CDH13: variants seen among roughly 807,000 people sequenced by gnomAD.
The protein encoded by CDH13 is cadherin-13.
CDH13 carries 24 observed loss-of-function variants against 63.8 expected under a neutral mutation model. That is an observed-to-expected ratio of 0.38 (90% CI 0.27 to 0.53). CDH13 has a LOEUF of 0.53. CDH13 is among the 20% of genes least tolerant of loss of function. The pLI, the probability that CDH13 is intolerant of heterozygous loss-of-function variation, is 0.85. For missense variants in CDH13, 1,049 were observed against 903.1 expected (o/e 1.16, Z -2.07); for synonymous variants, 503 against 355.3 (o/e 1.42, Z -4.67).
intron 6 of CDH13, among the ~76,000 whole-genome samples, chr16:83,395,185 G>C (rs1478237673): frequency 6.6e-6 from 1 of 150,422 alleles, no homozygotes; most frequent in Non-Finnish European, 1.5e-5. Context: ...GTGGTGGCAT[G>C]TGCCTGTAAT....
intron 4 of CDH13, among the ~76,000 whole-genome samples, chr16:83,175,821 CT>C (rs762355886): frequency 0.012 from 1,104 of 90,018 alleles, 8 homozygotes; most frequent in African/African-American, 0.048. Flanking sequence ...TTTCAACCTG[CT>C]TTTTTTTTTT....
chr16:83,206,323 C>T (rs141031324), intron 4 of CDH13, among the ~76,000 whole-genome samples: 158 of 152,348 alleles, frequency 1.0e-3, no homozygotes, highest in African/African-American at 3.8e-3. Context: ...TCTTCATCTT[C>T]ATCTCATGAA....
At chr16:83,303,435 G>A (rs1042357216) in intron 5 of CDH13, among the ~76,000 whole-genome samples, 17 of 152,174 alleles carry the variant, frequency 1.1e-4, no homozygotes, top group Admixed American at 7.2e-4. Flanking sequence ...GAATGAATAA[G>A]CCCAGTGCTG....
chr16:82,759,672 A>G (rs1488534688), intron 1 of CDH13, among the ~76,000 whole-genome samples: 1 of 152,140 alleles, frequency 6.6e-6, no homozygotes, highest in East Asian at 1.9e-4. Flanking sequence ...TGCCTTAACA[A>G]GAAGCGGCAA....
intron 1 of CDH13, among the ~76,000 whole-genome samples, chr16:82,761,017 C>CTTTTTTTTTTTTTT (rs35038319): frequency 0.013 from 521 of 40,470 alleles, 130 homozygotes; most frequent in African/African-American, 0.015. Context: ...TTCTTTCTTT[C>CTTTTTTTTTTTTTT]TTTTTTTTTT....
Position 83,780,044 on chromosome 16 carries a change from CCCCA to C in CDH13, c.1760_1763del (p.Pro587GlnfsTer2). 6.2e-7 allele frequency: 1 copy of C among 1,613,932 alleles called. No homozygotes were observed. The highest frequency in any genetic ancestry group is 1.3e-5 in the African/African-American group (1 of 75,022). On this transcript the variant is annotated frameshift_variant, in exon 12 of 14. Coordinates refer to ENST00000567109, the MANE Select transcript of CDH13 (RefSeq NM_001257.5). LOFTEE classifies it high-confidence loss of function. ...TGAATGACAATGCCCCGTTCATTTA[CCCCA>C]CAGTAGCTGAAGTCTGTGATGATGC...
At chr16:83,763,404 A>T (rs1749797684) in intron 11 of CDH13, among the ~76,000 whole-genome samples, 2 of 146,930 alleles carry the variant, frequency 1.4e-5, no homozygotes, top group African/African-American at 4.8e-5. Flanking sequence ...ATATGCTTAG[A>T]TTGATTTTTT....
intron 1 of CDH13, among the ~76,000 whole-genome samples, chr16:82,830,660 A>G (rs938205629): frequency 2.6e-5 from 4 of 152,246 alleles, no homozygotes; most frequent in Non-Finnish European, 5.9e-5. Context: ...TCAGTTTGAC[A>G]TGCCATGATG....
At chr16:83,467,278 T>A (rs919790108) in intron 6 of CDH13, among the ~76,000 whole-genome samples, 5 of 152,300 alleles carry the variant, frequency 3.3e-5, no homozygotes, top group Non-Finnish European at 7.3e-5. Flanking sequence ...AAGAAAAGAC[T>A]TGTCTTGTCC....
At chr16:83,646,077 C>G (rs756353647) in intron 8 of CDH13, among the ~76,000 whole-genome samples, 3 of 152,156 alleles carry the variant, frequency 2.0e-5, no homozygotes, top group Non-Finnish European at 2.9e-5. Flanking sequence ...GTGTAGAGTA[C>G]TGATGCTCTC....
At chr16:83,086,514 C>G (rs1339280202) in intron 3 of CDH13, among the ~76,000 whole-genome samples, 1 of 152,194 alleles carries the variant, frequency 6.6e-6, no homozygotes, top group Non-Finnish European at 1.5e-5. Flanking sequence ...AGGATTGAGC[C>G]AAGCGGAATC....
intron 3 of CDH13, among the ~76,000 whole-genome samples, chr16:83,084,058 G>A (rs1211709705): frequency 6.6e-6 from 1 of 152,218 alleles, no homozygotes; most frequent in East Asian, 1.9e-4. Flanking sequence ...TGAACTGGCA[G>A]AAGAGGCTGT....
chr16:83,261,705 C>CTT lies in CDH13; in HGVS notation c.636+44221_636+44222dup, dbSNP rs34277110. On this transcript the variant is annotated intron_variant, in intron 5 of 13. Coordinates refer to ENST00000567109, the MANE Select transcript of CDH13 (RefSeq NM_001257.5). The stretch of plus-strand genomic sequence containing the variant: ...TAGTGACGGTTTTCTTTATTTTCCT[C>CTT]TTTTTTTTTTTTTTGATGACAGAAA... 7.5e-3 allele frequency among the ~76,000 whole-genome samples: 1,087 copies of CTT among 144,636 alleles called. 14 individuals are homozygous for CTT. Among genetic ancestry groups the CTT allele is most frequent in the African/African-American group, 0.024 (924 of 39,284 alleles). The allele number at this position is 144,636 out of a possible 152,430, so 94.9% of individuals were successfully genotyped here. A position where few individuals can be genotyped will look rare whatever the true frequency, so the allele number is the denominator to read the frequency against.
chr16:83,244,825 A>C (rs753800337), intron 5 of CDH13, among the ~76,000 whole-genome samples: 1 of 152,164 alleles, frequency 6.6e-6, no homozygotes, highest in Non-Finnish European at 1.5e-5. Flanking sequence ...CTGTCTAATG[A>C]GGGAAGCTCA....
chr16:82,872,602 C>G (rs1412407336), intron 2 of CDH13, among the ~76,000 whole-genome samples: 1 of 152,184 alleles, frequency 6.6e-6, no homozygotes, highest in Non-Finnish European at 1.5e-5. Flanking sequence ...TACACACATT[C>G]TAGTAATAGA....
At chr16:83,599,523 A>T (rs1226923721) in intron 7 of CDH13, among the ~76,000 whole-genome samples, 2 of 152,248 alleles carry the variant, frequency 1.3e-5, no homozygotes, top group African/African-American at 2.4e-5. Context: ...AAAAATTTTT[A>T]AAAAGCAGCC....
chr16:82,696,211 A>G (rs1446489637), intron 1 of CDH13, among the ~76,000 whole-genome samples: 1 of 152,204 alleles, frequency 6.6e-6, no homozygotes, highest in East Asian at 1.9e-4. Flanking sequence ...TTCTTTTTGC[A>G]TAATTCTATT....
At chr16:83,537,553 T>G (rs1022958083) in intron 7 of CDH13, among the ~76,000 whole-genome samples, 3 of 152,186 alleles carry the variant, frequency 2.0e-5, no homozygotes, top group Admixed American at 2.0e-4. Flanking sequence ...GCTCACACTC[T>G]GGCAGATCTA....
At chr16:83,023,307 G>GC (rs201372277) in intron 2 of CDH13, among the ~76,000 whole-genome samples, 1 of 151,720 alleles carries the variant, frequency 6.6e-6, no homozygotes, top group South Asian at 2.1e-4. Context: ...ACTACCCCCC[G>GC]ACTCCACCCC....
Sources: allele counts gnomAD v4.1 joint callset (sites outside exome capture counted in the v4.1 genomes callset), GRCh38; gene constraint gnomAD v4.1.1; transcripts MANE v1.5; gene names NCBI Gene and HGNC (gene_info 2026-07-23, HGNC 2026-07-21).